The following ARHGAP18 variants were observed in gnomAD, a reference collection of about 807,000 sequenced individuals.
ARHGAP18 encodes rho GTPase-activating protein 18.
Under a neutral mutation model 86.2 loss-of-function variants are expected in ARHGAP18, and 67 were observed. That is an observed-to-expected ratio of 0.78 (90% CI 0.64 to 0.95). The LOEUF (loss-of-function observed/expected upper bound fraction) is 0.95, where lower values mean the gene tolerates loss of function less well. Ranked by LOEUF, ARHGAP18 falls within the 40% of genes least tolerant of loss-of-function variation. ARHGAP18 has a pLI of 0.00. For missense variants in ARHGAP18, 691 were observed against 780.4 expected (o/e 0.89, Z 1.37); for synonymous variants, 283 against 280.4 (o/e 1.01, Z -0.09).
chr6:129,581,515 A>G (rs568413608), intron 13 of ARHGAP18, among the ~76,000 whole-genome samples: 5 of 152,180 alleles, frequency 3.3e-5, no homozygotes, highest in Non-Finnish European at 5.9e-5. Context: ...AGGAGACTTG[A>G]TTTAAAGAAA....
At chr6:129,641,756 G>T in intron 2 of ARHGAP18, 60 bp downstream of exon 2, 13 of 1,396,752 alleles carry the variant, frequency 9.3e-6, no homozygotes, top group South Asian at 5.3e-5. Flanking sequence ...TCCTTTCTAT[G>T]CATTCATTTC....
chr6:129,607,295 T>A (rs1382705298), intron 9 of ARHGAP18, among the ~76,000 whole-genome samples: 1 of 152,188 alleles, frequency 6.6e-6, no homozygotes, highest in Non-Finnish European at 1.5e-5. Flanking sequence ...TTATAAGATC[T>A]AGGTTCACTG....
intron 1 of ARHGAP18, among the ~76,000 whole-genome samples, chr6:129,644,848 C>CA (rs1441116349): frequency 6.6e-6 from 1 of 152,220 alleles, no homozygotes; most frequent in Non-Finnish European, 1.5e-5. Flanking sequence ...CCATCTATAT[C>CA]AAGCCTTGCT....
At chr6:129,681,101 G>A (rs1774317847) in intron 1 of ARHGAP18, among the ~76,000 whole-genome samples, 1 of 152,082 alleles carries the variant, frequency 6.6e-6, no homozygotes, top group African/African-American at 2.4e-5. Flanking sequence ...TTTTTGAGAC[G>A]AAGTCTTACT....
intron 1 of ARHGAP18, among the ~76,000 whole-genome samples, chr6:129,679,446 C>T (rs960208657): frequency 2.6e-5 from 4 of 152,180 alleles, no homozygotes; most frequent in Admixed American, 2.0e-4. Context: ...AGCATGTACT[C>T]ATTTGGAAAA....
intron 13 of ARHGAP18, 50 bp downstream of exon 13, chr6:129,583,938 A>C (rs754081754): frequency 4.5e-6 from 7 of 1,570,266 alleles, no homozygotes; most frequent in Non-Finnish European, 6.1e-6. Context: ...CGAGAGAGAG[A>C]GAGCAAGTGA....
chr6:129,601,232 A>T (rs1485103089), intron 10 of ARHGAP18, among the ~76,000 whole-genome samples: 1 of 152,214 alleles, frequency 6.6e-6, no homozygotes, highest in African/African-American at 2.4e-5. Flanking sequence ...AGAGATTTTT[A>T]AAAATTCCCT....
chr6:129,669,493 C>T (rs1256735041), intron 1 of ARHGAP18, among the ~76,000 whole-genome samples: 1 of 146,064 alleles, frequency 6.8e-6, no homozygotes, highest in African/African-American at 2.5e-5. Context: ...TTTTTAAAGT[C>T]AGGAAAAATA....
At chr6:129,628,632 A>C (rs2114486625) in intron 5 of ARHGAP18, among the ~76,000 whole-genome samples, 1 of 152,314 alleles carries the variant, frequency 6.6e-6, no homozygotes, top group African/African-American at 2.4e-5. Context: ...CGAAGGCATA[A>C]ACATCCTCCA....
At chr6:129,625,895 TATATATTTA>T (rs1562698550) in intron 5 of ARHGAP18, among the ~76,000 whole-genome samples, 45 of 32,538 alleles carry the variant, frequency 1.4e-3, no homozygotes, top group African/African-American at 2.2e-3. Context: ...TATTATATAT[TATATATTTA>T]TATATTATAT....
chr6:129,629,206 A>C, intron 5 of ARHGAP18, 147 bp downstream of exon 5: 1 of 673,834 alleles, frequency 1.5e-6, no homozygotes, highest in Non-Finnish European at 2.2e-6. Flanking sequence ...CAACGTAGTG[A>C]GGCCTCATCT....
chr6:129,640,382 C>T (rs114227974), intron 2 of ARHGAP18, among the ~76,000 whole-genome samples: 11 of 152,250 alleles, frequency 7.2e-5, no homozygotes, highest in African/African-American at 9.6e-5. Flanking sequence ...CAGGCTTAAA[C>T]GCTGCTTTCT....
At chr6:129,674,728 T>G (rs1562720325) in intron 1 of ARHGAP18, among the ~76,000 whole-genome samples, 1 of 152,176 alleles carries the variant, frequency 6.6e-6, no homozygotes, top group Non-Finnish European at 1.5e-5. Flanking sequence ...ATCTGTGAAT[T>G]TTGGTGTCCT....
At position 129,639,219 on chromosome 6, in the gene ARHGAP18, C is replaced by CA. The variant is rs1217812906; in HGVS notation, c.317-591dup. On this transcript the variant is annotated intron_variant, in intron 2 of 14. Transcript: ENST00000368149. The stretch of plus-strand genomic sequence containing the variant: ...TTTTTTAAAAGCACAATATATCCAG[C>CA]AAAAAAAACTTATATAGGAAGATAA... Among the ~76,000 whole-genome samples the CA allele has an allele frequency of 2.3e-4, 35 of 151,554 alleles. No individual in the cohort carries two copies. In the South Asian group the frequency reaches 2.7e-3, roughly 12 times the overall value.
In ARHGAP18 at chr6:129,597,730, G is replaced by GAA. The variant is rs35896143; in HGVS notation, c.1713+1484_1713+1485dup. On this transcript the variant is annotated intron_variant, in intron 12 of 14. Transcript: ENST00000368149. Reference sequence around the variant, plus strand: ...AGTAACTGAATTTCACATAAGGAAAGAAAAAAAAAAACTCAAAGAGGTAAA... The same window carrying GAA: ...AGTAACTGAATTTCACATAAGGAAAGAAAAAAAAAAAAACTCAAAGAGGTAAA... 5.5e-3 allele frequency among the ~76,000 whole-genome samples: 794 copies of GAA among 143,858 alleles called. 4 individuals carry two copies. Among genetic ancestry groups the GAA allele is most frequent in the Middle Eastern group, 0.011 (3 of 268 alleles). The allele number at this position is 143,858 out of a possible 152,430, so 94.4% of individuals were successfully genotyped here.
chr6:129,677,299 A>G (rs551199161), intron 1 of ARHGAP18, among the ~76,000 whole-genome samples: 23 of 152,222 alleles, frequency 1.5e-4, no homozygotes, highest in African/African-American at 5.5e-4. Flanking sequence ...AGGCTGAGGC[A>G]GGAGAATGGC....
At position 129,580,138 on chromosome 6, in the gene ARHGAP18, G is replaced by A; in HGVS notation, c.1839-7C>T. The A allele has an allele frequency of 1.2e-6, 2 of 1,612,370 alleles. No individual in the cohort carries two copies. The highest frequency in any genetic ancestry group is 1.7e-6 in the Non-Finnish European group (2 of 1,178,830). On this transcript the variant is annotated splice_region_variant and splice_polypyrimidine_tract_variant and intron_variant, in intron 13 of 14. Coordinates refer to ENST00000368149, the MANE Select transcript of ARHGAP18 (RefSeq NM_033515.3). ...GAGAGTCTGGGCAACCCCACTATGA[G>A]GGACAAAACAAACCGATTAGTTGTA...
At chr6:129,683,938 TG>T (rs1774376188) in intron 1 of ARHGAP18, among the ~76,000 whole-genome samples, 1 of 151,960 alleles carries the variant, frequency 6.6e-6, no homozygotes, top group Non-Finnish European at 1.5e-5. Flanking sequence ...AAATGTGAAT[TG>T]AAAAGAGAAG....
rs540940006 is a variant in ARHGAP18 at position 129,635,318 on chromosome 6, C to A, written c.553-1213G>T. On this transcript the variant is annotated intron_variant, in intron 3 of 14. Coordinates refer to ENST00000368149, the MANE Select transcript of ARHGAP18 (RefSeq NM_033515.3). ...AGTCTAAAAAGAGCCTAGAAAAGCA[C>A]TAGGCTAGGGACGTCTAGGCTATTA... 2.0e-5 allele frequency among the ~76,000 whole-genome samples: 3 copies of A among 152,316 alleles called. No homozygotes were observed. In the South Asian group the frequency reaches 6.2e-4, roughly 32 times the overall value.
Sources: gnomAD v4.1 joint callset for allele counts (sites outside exome capture counted in the v4.1 genomes callset) on GRCh38, gnomAD v4.1.1 for gene constraint, MANE v1.5 for transcripts, NCBI Gene and HGNC (gene_info 2026-07-23, HGNC 2026-07-21) for gene names.